WDR27: variants seen among roughly 807,000 people sequenced by gnomAD.
WDR27 encodes WD repeat domain 27.
A neutral mutation model predicts 114.4 loss-of-function variants in WDR27; 100 were observed. The observed-to-expected ratio is 0.87, with a 90% CI of 0.74 to 1.03. WDR27 has a LOEUF of 1.03. WDR27 is among the 50% of genes least tolerant of loss of function. WDR27 has a pLI of 0.00. For missense variants in WDR27, 1,129 were observed against 1,092.9 expected (o/e 1.03, Z -0.47); for synonymous variants, 449 against 423.1 (o/e 1.06, Z -0.75).
At chr6:169,673,251 C>G (rs1365099103) in intron 2 of WDR27, among the ~76,000 whole-genome samples, 1 of 151,984 alleles carries the variant, frequency 6.6e-6, no homozygotes, top group Non-Finnish European at 1.5e-5. Context: ...CCATAGTAAG[C>G]TGAGATGCTT....
In WDR27 at chr6:169,684,951, G is replaced by A. The variant is rs571747604; in HGVS notation, c.189+3866C>T. Among the ~76,000 whole-genome samples the A allele has an allele frequency of 2.0e-4, 31 of 152,308 alleles. 1 individual carries two copies. The South Asian group carries it at 6.2e-3, about 31-fold the overall frequency. On this transcript the variant is annotated intron_variant, in intron 2 of 25. Transcript: ENST00000448612. This position sits in a 1 kb window ranked among gnomAD's most constrained non-coding sequence, Gnocchi z 4.3. ...GTTGGCTGACCCTATGTGTACATGT[G>A]TACCCCCAACCTGAGAAATACCAGG...
At chr6:169,516,459 GAA>G (rs1562521270) in intron 25 of WDR27, among the ~76,000 whole-genome samples, 10 of 152,122 alleles carry the variant, frequency 6.6e-5, no homozygotes, top group African/African-American at 7.2e-5. Context: ...AACTCCTCCA[GAA>G]CTCCTCCAGG....
chr6:169,552,204 G>A (rs945595127), intron 25 of WDR27, among the ~76,000 whole-genome samples: 5 of 151,818 alleles, frequency 3.3e-5, no homozygotes, highest in East Asian at 1.9e-4. Flanking sequence ...AGCCCACCCC[G>A]ACCACACATG....
At chr6:169,687,250 C>A (rs1369116457) in intron 2 of WDR27, among the ~76,000 whole-genome samples, 1 of 151,910 alleles carries the variant, frequency 6.6e-6, no homozygotes, top group Non-Finnish European at 1.5e-5. Context: ...ACATATACCC[C>A]CAAAATATGT....
At chr6:169,621,269 T>C (rs1562719008) in intron 21 of WDR27, among the ~76,000 whole-genome samples, 2 of 150,604 alleles carry the variant, frequency 1.3e-5, no homozygotes, top group East Asian at 2.0e-4. Context: ...CATTCATGCA[T>C]ACACACACAC....
intron 2 of WDR27, among the ~76,000 whole-genome samples, chr6:169,673,613 A>C (rs925569796): frequency 6.6e-6 from 1 of 152,056 alleles, no homozygotes; most frequent in African/African-American, 2.4e-5. Flanking sequence ...TATCTACTAT[A>C]AAGACAATTT....
chr6:169,428,608 A>AGGGGGGGGGCGGGGGGGGGGGGGGGG, the WDR27 span, among the ~76,000 whole-genome samples: 1 of 114,470 alleles, frequency 8.7e-6, no homozygotes, highest in Non-Finnish European at 1.8e-5. Flanking sequence ...GGCGGGGGGG[A>AGGGGGGGGGCGGGGGGGGGGGGGGGG]GGGGGGGGTT....
chr6:169,452,396 T>C (rs566256421), downstream of WDR27, among the ~76,000 whole-genome samples: 1 of 152,364 alleles, frequency 6.6e-6, no homozygotes, highest in South Asian at 2.1e-4. Context: ...CACGCGGTCC[T>C]TTGTACGTAA....
At chr6:169,454,896 C>A (rs1274521831), downstream of WDR27, among the ~76,000 whole-genome samples, 1 of 152,230 alleles carries the variant, frequency 6.6e-6, no homozygotes, top group African/African-American at 2.4e-5. Context: ...AGGTGTGTGC[C>A]CAGCCGTGGG....
chr6:169,458,790 A>C (rs1238282834), intron 25 of WDR27, among the ~76,000 whole-genome samples: 1 of 151,260 alleles, frequency 6.6e-6, no homozygotes, highest in Non-Finnish European at 1.5e-5. Flanking sequence ...CTGTCTCAAA[A>C]AAAAAAAAAA....
rs1365899683 is a variant in WDR27 at position 169,510,622 on chromosome 6, G to A, written c.2646-52988C>T. 4.4e-5 allele frequency among the ~76,000 whole-genome samples: 6 copies of A among 137,098 alleles called. No individual in the cohort carries two copies. In the East Asian group the frequency reaches 1.3e-3, roughly 31 times the overall value. The allele number at this position is 137,098 out of a possible 152,430, so 89.9% of individuals were successfully genotyped here. A position where few individuals can be genotyped will look rare whatever the true frequency, so the allele number is the denominator to read the frequency against. ...CAGGAAGGGGAATATCACACACTGG[G>A]GACTGTTGTGGGGTGGGGGGAGGGG... On this transcript the variant is annotated intron_variant, in intron 25 of 25. Coordinates refer to ENST00000448612, the MANE Select transcript of WDR27 (RefSeq NM_182552.5).
chr6:169,660,096 C>A (rs983917442), intron 10 of WDR27, among the ~76,000 whole-genome samples: 1 of 148,972 alleles, frequency 6.7e-6, no homozygotes, highest in Non-Finnish European at 1.5e-5. Context: ...CGGAATCCAG[C>A]CTGCTTTTCA....
intron 24 of WDR27, among the ~76,000 whole-genome samples, chr6:169,579,379 G>C (rs894250847): frequency 1.3e-5 from 2 of 152,134 alleles, no homozygotes; most frequent in African/African-American, 2.4e-5. Flanking sequence ...AATTTATAGA[G>C]AGTGAGAAAG....
intron 23 of WDR27, among the ~76,000 whole-genome samples, chr6:169,597,036 T>C (rs1294610217): frequency 6.6e-6 from 1 of 152,230 alleles, no homozygotes; most frequent in African/African-American, 2.4e-5. Flanking sequence ...TCATATTAAA[T>C]GTTGTTCATT....
chr6:169,666,883 G>A (rs1236901099), intron 6 of WDR27: 7 of 985,330 alleles, frequency 7.1e-6, no homozygotes, highest in Admixed American at 6.1e-5. Context: ...GACAGCAAAC[G>A]TGCTTTACTC....
At chr6:169,429,359 C>G in the WDR27 span, among the ~76,000 whole-genome samples, 1 of 151,828 alleles carries the variant, frequency 6.6e-6, no homozygotes, top group African/African-American at 2.4e-5. Flanking sequence ...GGCTTCTGTC[C>G]TTGACTCCCT....
rs367816227 is a variant in WDR27 at position 169,657,186 on chromosome 6, C to T, written c.1402+1090G>A. Among the ~76,000 whole-genome samples the T allele has an allele frequency of 5.8e-4, 89 of 152,316 alleles. 1 individual carries two copies. Among genetic ancestry groups the T allele is most frequent in the African/African-American group, 1.9e-3 (80 of 41,582 alleles). ...AGCCCCAGGCTCAGCTCTGAGTCCC[C>T]GCCTTCCACCTGAAAGCTCTCCCCG... On this transcript the variant is annotated intron_variant, in intron 13 of 25. Coordinates refer to ENST00000448612, the MANE Select transcript of WDR27 (RefSeq NM_182552.5).
intron 16 of WDR27, among the ~76,000 whole-genome samples, chr6:169,645,047 A>AAAAAAAAAAAAAAATAAAAAAAAAAT (rs1820287178): frequency 7.8e-6 from 1 of 128,074 alleles, no homozygotes; most frequent in Non-Finnish European, 1.6e-5. Flanking sequence ...AAAAAAAAAA[A>AAAAAAAAAAAAAAATAAAAAAAAAAT]AAAAAAAAAA....
At chr6:169,677,910 A>C (rs1278478670) in intron 2 of WDR27, among the ~76,000 whole-genome samples, 1 of 152,202 alleles carries the variant, frequency 6.6e-6, no homozygotes, top group Non-Finnish European at 1.5e-5. Context: ...GGGTGCACAG[A>C]GTACAAGAGT....
Sources: gnomAD v4.1 joint callset for allele counts (sites outside exome capture counted in the v4.1 genomes callset) on GRCh38, gnomAD v4.1.1 for gene constraint, Gnocchi (gnomAD v3.1) non-coding constraint, MANE v1.5 for transcripts, NCBI Gene and HGNC (gene_info 2026-07-23, HGNC 2026-07-21) for gene names.